Variants in MAD1L1 observed in about 807,000 individuals in gnomAD.
MAD1L1 encodes mitotic spindle assembly checkpoint protein MAD1.
In MAD1L1, 95 loss-of-function variants were observed where a neutral mutation model predicts 96.9. That is an observed-to-expected ratio of 0.98 (90% CI 0.83 to 1.16). The LOEUF (loss-of-function observed/expected upper bound fraction) is 1.16. Ranked by LOEUF, MAD1L1 falls within the 50% of genes most tolerant of loss-of-function variation. The pLI, the probability that MAD1L1 is intolerant of heterozygous loss-of-function variation, is 0.00. For missense variants in MAD1L1, 1,007 were observed against 954.4 expected (o/e 1.06, Z -0.73); for synonymous variants, 473 against 396.6 (o/e 1.19, Z -2.29).
At chr7:2,144,614 G>A (rs1057448506) in intron 11 of MAD1L1, among the ~76,000 whole-genome samples, 1 of 152,148 alleles carries the variant, frequency 6.6e-6, no homozygotes, top group Non-Finnish European at 1.5e-5. Flanking sequence ...CTCTTCCCAC[G>A]GCAGAGCTGG....
At chr7:1,872,389 G>C (rs1785157077) in intron 18 of MAD1L1, among the ~76,000 whole-genome samples, 1 of 152,176 alleles carries the variant, frequency 6.6e-6, no homozygotes, top group African/African-American at 2.4e-5. Context: ...CACAGCACCT[G>C]CTCCTGGGTG....
chr7:2,189,404 C>G (rs1791612276), intron 10 of MAD1L1, among the ~76,000 whole-genome samples: 1 of 152,228 alleles, frequency 6.6e-6, no homozygotes, highest in South Asian at 2.1e-4. Flanking sequence ...TGTCCATCAA[C>G]AGGTGACTGG....
At chr7:2,003,814 G>C (rs1442649240) in intron 13 of MAD1L1, among the ~76,000 whole-genome samples, 1 of 152,206 alleles carries the variant, frequency 6.6e-6, no homozygotes, top group Non-Finnish European at 1.5e-5. Flanking sequence ...ACGCTGGGCT[G>C]TGTGGACCCC....
intron 11 of MAD1L1, among the ~76,000 whole-genome samples, chr7:2,112,805 C>T (rs535435755): frequency 8.6e-5 from 13 of 150,676 alleles, no homozygotes; most frequent in Non-Finnish European, 4.4e-5. Context: ...TGGCGGACTG[C>T]AGGAAAAGGG....
At position 1,923,551 on chromosome 7, in the gene MAD1L1, G is replaced by C. The variant is rs563303559; in HGVS notation, c.1807+13136C>G. ...ATCCTGCGGAGGTACAGCCACAGCT[G>C]GACAGACGCCTAGAGCCCAAGAGTG... On this transcript the variant is annotated intron_variant, in intron 17 of 18. Transcript: ENST00000265854. Among the ~76,000 whole-genome samples the C allele has an allele frequency of 2.1e-5, 3 of 140,638 alleles. No individual in the cohort carries two copies. The South Asian group carries it at 7.4e-4, about 35-fold the overall frequency. 92.3% of individuals were successfully genotyped at this position (140,638 alleles called of 152,430 possible). A position where few individuals can be genotyped will look rare whatever the true frequency, so the allele number is the denominator to read the frequency against.
intron 11 of MAD1L1, among the ~76,000 whole-genome samples, chr7:2,118,482 G>C (rs1562704698): frequency 6.6e-6 from 1 of 152,242 alleles, no homozygotes; most frequent in Non-Finnish European, 1.5e-5. Context: ...TGAGCACACA[G>C]GGGTCTGCCC....
intron 11 of MAD1L1, among the ~76,000 whole-genome samples, chr7:2,147,551 G>A (rs986989424): frequency 2.0e-5 from 3 of 152,190 alleles, no homozygotes; most frequent in Middle Eastern, 3.2e-3. Context: ...TGAGGACCTC[G>A]TCTCACCCCC....
chr7:2,000,583 C>T (rs1164968643), intron 14 of MAD1L1, among the ~76,000 whole-genome samples: 1 of 152,194 alleles, frequency 6.6e-6, no homozygotes, highest in Non-Finnish European at 1.5e-5. Flanking sequence ...TCAGGACGCT[C>T]TGCAGAGCGG....
intron 10 of MAD1L1, among the ~76,000 whole-genome samples, chr7:2,172,974 C>G (rs1460188338): frequency 1.3e-5 from 2 of 152,194 alleles, no homozygotes; most frequent in Non-Finnish European, 2.9e-5. Flanking sequence ...ACAGCACCTG[C>G]TAGCATGCCC....
chr7:2,002,212 G>T, intron 13 of MAD1L1, 91 bp from the exon 14 acceptor site: 1 of 1,280,852 alleles, frequency 7.8e-7, no homozygotes, highest in Non-Finnish European at 1.1e-6. Context: ...CCACCCCGCA[G>T]CCTCCACTCT....
intron 13 of MAD1L1, among the ~76,000 whole-genome samples, chr7:2,010,928 A>C (rs1782271274): frequency 6.6e-6 from 1 of 152,230 alleles, no homozygotes; most frequent in Admixed American, 6.5e-5. Context: ...ACAGAGGCCA[A>C]GGGAGAGGGA....
chr7:1,983,804 T>A (rs1044214624), intron 14 of MAD1L1, among the ~76,000 whole-genome samples: 7 of 152,224 alleles, frequency 4.6e-5, no homozygotes, highest in Non-Finnish European at 1.0e-4. Flanking sequence ...CTATTTTGGA[T>A]GGTGATACTT....
chr7:1,871,012 C>A (rs1216486365), intron 18 of MAD1L1, among the ~76,000 whole-genome samples: 1 of 145,224 alleles, frequency 6.9e-6, no homozygotes, highest in East Asian at 2.1e-4. Flanking sequence ...ACCGTAACAC[C>A]TGCCACGCTG....
chr7:1,916,023 T>C (rs1265461758), intron 17 of MAD1L1, among the ~76,000 whole-genome samples: 4 of 152,210 alleles, frequency 2.6e-5, no homozygotes, highest in Non-Finnish European at 5.9e-5. Context: ...TTGCAGAAGA[T>C]GACCTAGGAG....
intron 11 of MAD1L1, among the ~76,000 whole-genome samples, chr7:2,133,474 C>T (rs779398393): frequency 3.0e-4 from 46 of 152,236 alleles, no homozygotes; most frequent in African/African-American, 9.4e-4. Context: ...TTTTGCATGA[C>T]GGTGAAAAAT....
chr7:1,962,482 T>A lies in MAD1L1; in HGVS notation c.1506-4763A>T, dbSNP rs550806682. Among the ~76,000 whole-genome samples, 5 of 152,326 alleles carry A rather than the reference T, an allele frequency of 3.3e-5. No homozygotes were observed. The East Asian group carries it at 9.6e-4, about 29-fold the overall frequency. Reference sequence around the variant, plus strand: ...TTGGACTTTATCATAAAAAAACTTCTCTTCAAAATACCTGATGAAAGAACG... The same window carrying A: ...TTGGACTTTATCATAAAAAAACTTCACTTCAAAATACCTGATGAAAGAACG... On this transcript the variant is annotated intron_variant, in intron 15 of 18. Transcript: ENST00000265854.
chr7:2,058,155 G>A (rs1396497952), intron 12 of MAD1L1, among the ~76,000 whole-genome samples: 7 of 91,160 alleles, frequency 7.7e-5, no homozygotes, highest in African/African-American at 2.9e-4. Context: ...GTGGCTAGAG[G>A]AGAGAAGCAG....
At chr7:2,196,869 C>A (rs769623037) in intron 10 of MAD1L1, among the ~76,000 whole-genome samples, 2 of 152,232 alleles carry the variant, frequency 1.3e-5, no homozygotes, top group Non-Finnish European at 1.5e-5. Flanking sequence ...CAACTGACAA[C>A]AGGAAACACC....
rs1785672810 is a variant in MAD1L1 at position 1,881,390 on chromosome 7, TA to T, written c.1998+16809del. Among the ~76,000 whole-genome samples, 3 of 152,230 alleles carry T rather than the reference TA, an allele frequency of 2.0e-5. No homozygotes were observed. The South Asian group carries it at 6.2e-4, about 31-fold the overall frequency. On this transcript the variant is annotated intron_variant, in intron 18 of 18. Coordinates refer to ENST00000265854, the MANE Select transcript of MAD1L1 (RefSeq NM_001013836.2). Reference sequence around the variant, plus strand: ...CTCCAGCATAAATGGGTTAATAATTTATCCAATTAATTAATTTTATCCAAAC... The same window carrying T: ...CTCCAGCATAAATGGGTTAATAATTTTCCAATTAATTAATTTTATCCAAAC...
Sources: gnomAD v4.1 joint callset for allele counts (sites outside exome capture counted in the v4.1 genomes callset) on GRCh38, gnomAD v4.1.1 for gene constraint, MANE v1.5 for transcripts, NCBI Gene and HGNC (gene_info 2026-07-23, HGNC 2026-07-21) for gene names.